PRPSAP1: variants seen among roughly 807,000 people sequenced by gnomAD.
The protein encoded by PRPSAP1 is phosphoribosyl pyrophosphate synthetase associated protein 1, also known as phosphoribosyl pyrophosphate synthase-associated protein 1.
In PRPSAP1, 31 loss-of-function variants were observed where a neutral mutation model predicts 39.4. The observed-to-expected ratio is 0.79, with a 90% CI of 0.59 to 1.06. PRPSAP1 has a LOEUF of 1.06. Ranked by LOEUF, PRPSAP1 falls within the 50% of genes least tolerant of loss-of-function variation. The probability of loss-of-function intolerance (pLI) is 0.00; values close to 1 mark genes in which losing one functional copy is unlikely to be tolerated. For synonymous variants in PRPSAP1, 212 were observed against 192.6 expected, an observed-to-expected ratio of 1.10 and a Z score of -0.83; for missense variants, 430 against 511.6, an observed-to-expected ratio of 0.84 and a Z score of 1.54.
intron 9 of PRPSAP1, 95 bp from the exon 10 acceptor site, chr17:76,311,795 G>T: frequency 7.3e-7 from 1 of 1,378,422 alleles, no homozygotes; most frequent in Non-Finnish European, 9.8e-7. Flanking sequence ...AGTTCCCACA[G>T]CCTAAGTTCC....
intron 3 of PRPSAP1, among the ~76,000 whole-genome samples, chr17:76,335,083 G>A (rs1017738655): frequency 1.4e-4 from 22 of 152,126 alleles, no homozygotes; most frequent in African/African-American, 5.3e-4. Flanking sequence ...CCCCTTCCCA[G>A]AGACTCTTTT....
Position 76,341,895 on chromosome 17 carries a change from C to T in PRPSAP1, c.290+2776G>A, listed in dbSNP as rs531942006. On this transcript the variant is annotated intron_variant, in intron 3 of 9. Transcript: ENST00000446526. ...CGGAGCTTGCAGTGAGCCAAGATTGCGCCACTGCACCCCAGCCTGGGCGAC... is the reference window on the plus strand; with the variant it reads ...CGGAGCTTGCAGTGAGCCAAGATTGTGCCACTGCACCCCAGCCTGGGCGAC... Among the ~76,000 whole-genome samples, 229 of 152,132 alleles carry T rather than the reference C, an allele frequency of 1.5e-3. 2 individuals carry two copies. The highest frequency in any genetic ancestry group is 5.2e-3 in the African/African-American group (215 of 41,510).
At chr17:76,318,991 G>A (rs771542987) in intron 7 of PRPSAP1, among the ~76,000 whole-genome samples, 5 of 152,040 alleles carry the variant, frequency 3.3e-5, no homozygotes, top group Non-Finnish European at 5.9e-5. Flanking sequence ...TCAGGCTGGA[G>A]TGCAGTGGCG....
At chr17:76,319,827 A>G (rs1234244337) in intron 7 of PRPSAP1, among the ~76,000 whole-genome samples, 3 of 152,188 alleles carry the variant, frequency 2.0e-5, no homozygotes, top group Admixed American at 6.5e-5. Flanking sequence ...ATGGCCAAGT[A>G]CAGTGCTAAG....
chr17:76,353,851 C>A lies in PRPSAP1; in HGVS notation c.-148G>T. Reference sequence around the variant, plus strand: ...TCCGAGGTCCGTGCCCTTGCGCACCCCACACCACTGACTACAGCGGCCGAG... The same window carrying A: ...TCCGAGGTCCGTGCCCTTGCGCACCACACACCACTGACTACAGCGGCCGAG... On this transcript the variant is annotated 5_prime_UTR_variant, in exon 1 of 10. Transcript: ENST00000446526. The A allele has an allele frequency of 7.3e-7, 1 of 1,365,730 alleles. No homozygotes were observed. The highest frequency in any genetic ancestry group is 9.4e-7 in the Non-Finnish European group (1 of 1,066,866). The allele number at this position is 1,365,730 out of a possible 1,614,324, so 84.6% of individuals were successfully genotyped here. A position where few individuals can be genotyped will look rare whatever the true frequency, so the allele number is the denominator to read the frequency against.
chr17:76,351,617 G>A (rs545836180), intron 1 of PRPSAP1, among the ~76,000 whole-genome samples: 2 of 152,228 alleles, frequency 1.3e-5, no homozygotes, highest in East Asian at 3.9e-4. Flanking sequence ...AACTTGGGAC[G>A]TGGAGGTTGC....
In PRPSAP1 at chr17:76,311,535, G is replaced by A. The variant is rs369499551; in HGVS notation, c.*7C>T. 7.4e-6 allele frequency: 12 copies of A among 1,612,760 alleles called. No homozygotes were observed. The highest frequency in any genetic ancestry group is 6.7e-5 in the Admixed American group (4 of 59,798). On this transcript the variant is annotated 3_prime_UTR_variant, in exon 10 of 10. Coordinates refer to ENST00000446526, the MANE Select transcript of PRPSAP1 (RefSeq NM_002766.3). ...CAGGAGGTCCAGGGTCGAGACCCTC[G>A]TGAAAGCTAGTCATCCACAGTGATG...
chr17:76,311,638 A>G lies in PRPSAP1; in HGVS notation c.1062T>C (p.Thr354=). 6.2e-7 allele frequency: 1 copy of G among 1,614,236 alleles called. No homozygotes were observed. The highest frequency in any genetic ancestry group is 8.5e-7 in the Non-Finnish European group (1 of 1,180,040). The part of the protein sequence containing the change: ...VQKLQCPKIK[T]VDISLILSEA... The stretch of plus-strand genomic sequence containing the variant: ...CAGAAAGAATCAAACTGATATCCAC[A>G]GTCTTTATCTTGGGACATTGCAGCT... Residue 354 remains threonine, a synonymous_variant, in exon 10 of 10, where the codon ACT becomes ACC. Transcript: ENST00000446526.
Position 76,320,009 on chromosome 17 carries a change from T to C in PRPSAP1, c.782-6118A>G, listed in dbSNP as rs146454245. The stretch of plus-strand genomic sequence containing the variant: ...TGTAGGCTGGGCATGGTGGCTCACA[T>C]CTGTAATCCCAGCACTTTGGGAGGC... On this transcript the variant is annotated intron_variant, in intron 7 of 9. Coordinates refer to ENST00000446526, the MANE Select transcript of PRPSAP1 (RefSeq NM_002766.3). Among the ~76,000 whole-genome samples, 94 of 151,792 alleles carry C rather than the reference T, an allele frequency of 6.2e-4. 1 individual carries two copies. In the East Asian group the frequency reaches 0.012, roughly 19 times the overall value.
intron 3 of PRPSAP1, among the ~76,000 whole-genome samples, chr17:76,340,089 T>C (rs927040423): frequency 1.4e-5 from 2 of 144,322 alleles, no homozygotes; most frequent in African/African-American, 2.7e-5. Flanking sequence ...GAGGCTGCAG[T>C]GAGCCGAGAT....
chr17:76,352,536 T>G (rs563458621), intron 1 of PRPSAP1, among the ~76,000 whole-genome samples: 1 of 150,400 alleles, frequency 6.6e-6, no homozygotes, highest in Non-Finnish European at 1.5e-5. Flanking sequence ...TCCCAGCTAC[T>G]TGGGAGGCTG....
At position 76,311,381 on chromosome 17, in the gene PRPSAP1, CCTGA is replaced by C. The variant is rs2071068580; in HGVS notation, c.*157_*160del. The C allele has an allele frequency of 2.8e-6, 2 of 712,748 alleles. No individual in the cohort carries two copies. Among genetic ancestry groups the C allele is most frequent in the Non-Finnish European group, 2.2e-6 (1 of 457,294 alleles). The allele number at this position is 712,748 out of a possible 1,614,324, so 44.2% of individuals were successfully genotyped here. On this transcript the variant is annotated 3_prime_UTR_variant, in exon 10 of 10. Coordinates refer to ENST00000446526, the MANE Select transcript of PRPSAP1 (RefSeq NM_002766.3). The stretch of plus-strand genomic sequence containing the variant: ...ATTTATCCATTAGCTCTGTCTTCTT[CCTGA>C]CTCTTTTAATCCCTCCTCCCCATCA...
chr17:76,352,302 C>G (rs898771684), intron 1 of PRPSAP1, among the ~76,000 whole-genome samples: 2 of 152,156 alleles, frequency 1.3e-5, no homozygotes, highest in African/African-American at 4.8e-5. Flanking sequence ...GCATATAAGG[C>G]TCCTCCTTTA....
intron 9 of PRPSAP1, 90 bp downstream of exon 9, chr17:76,312,780 G>A: frequency 6.7e-7 from 1 of 1,491,764 alleles, no homozygotes. Flanking sequence ...GCTATAGACA[G>A]ATTAAGCAAT....
chr17:76,345,912 T>A (rs774486095), intron 2 of PRPSAP1: 2 of 423,088 alleles, frequency 4.7e-6, no homozygotes, highest in Non-Finnish European at 9.2e-6. Flanking sequence ...AGAGAAGATC[T>A]GTGAGGCTGT....
intron 2 of PRPSAP1, among the ~76,000 whole-genome samples, chr17:76,347,779 A>AG (rs1308434511): frequency 6.6e-6 from 1 of 152,102 alleles, no homozygotes; most frequent in Non-Finnish European, 1.5e-5. Context: ...GAAGGTGTCT[A>AG]GCAAGCAGCA....
At chr17:76,328,892 G>A in intron 6 of PRPSAP1, 30 bp from the exon 7 acceptor site, 1 of 1,583,398 alleles carries the variant, frequency 6.3e-7, no homozygotes, top group South Asian at 1.1e-5. Flanking sequence ...TGGTGAAACT[G>A]ACAGGAAGAA....
chr17:76,353,115 C>T (rs1221291033), intron 1 of PRPSAP1: 1 of 161,896 alleles, frequency 6.2e-6, no homozygotes, highest in East Asian at 1.8e-4. Context: ...CAACCACGCC[C>T]GCGGGTCTCA....
At chr17:76,330,001 G>A (rs753132828) in intron 6 of PRPSAP1, 42 bp downstream of exon 6, 1 of 1,575,902 alleles carries the variant, frequency 6.3e-7, no homozygotes, top group Non-Finnish European at 8.7e-7. Context: ...CTGACTTCGG[G>A]AGCACTCAGG....
Sources: gnomAD v4.1 joint callset for allele counts (sites outside exome capture counted in the v4.1 genomes callset) on GRCh38, gnomAD v4.1.1 for gene constraint, MANE v1.5 for transcripts, NCBI Gene and HGNC (gene_info 2026-07-23, HGNC 2026-07-21) for gene names.